Variants in KIAA1217 observed in about 807,000 individuals in gnomAD.
KIAA1217 encodes the protein sickle tail protein homolog.
A neutral mutation model predicts 163.9 loss-of-function variants in KIAA1217; 88 were observed. The observed-to-expected ratio is 0.54, with a 90% CI of 0.45 to 0.64. The LOEUF (loss-of-function observed/expected upper bound fraction) is 0.64, where lower values mean the gene tolerates loss of function less well. Among genes scored for constraint, KIAA1217 ranks in the 30% least tolerant of loss-of-function variants. KIAA1217 has a pLI of 0.00. For synonymous variants in KIAA1217, 903 were observed against 923.1 expected, an observed-to-expected ratio of 0.98 and a Z score of 0.39; for missense variants, 2,372 against 2,475.0, an observed-to-expected ratio of 0.96 and a Z score of 0.88.
intron 3 of KIAA1217, among the ~76,000 whole-genome samples, chr10:24,432,175 G>A (rs2059656114): frequency 6.9e-6 from 1 of 144,902 alleles, no homozygotes; most frequent in Non-Finnish European, 1.5e-5. Context: ...CCAGGCTGGA[G>A]TGCAGTGGCG....
intron 1 of KIAA1217, among the ~76,000 whole-genome samples, chr10:23,956,841 A>G (rs1372942286): frequency 6.6e-6 from 1 of 152,158 alleles, no homozygotes; most frequent in African/African-American, 2.4e-5. Flanking sequence ...GAACTTACTC[A>G]TTACGAGGAC....
In KIAA1217 at chr10:24,543,748, T is replaced by A. The variant is rs754912463; in HGVS notation, c.4478T>A (p.Val1493Asp). Residue 1493 changes from valine (V) to aspartate (D), a missense_variant, in exon 19 of 21, where the codon GTC becomes GAC. By Grantham distance (152) the Val-to-Asp change is radical (BLOSUM62 -3). Around this residue, in one of 3 missense-constraint regions of KIAA1217, gnomAD observed 690 missense variants for 677.5 expected, o/e 1.02. Coordinates refer to ENST00000376454, the MANE Select transcript of KIAA1217 (RefSeq NM_019590.5). ...EEEEENGDSV[V>D]QNNNTSQMSH... ...GAGGAGGAAAATGGGGATTCTGTAG[T>A]CCAGAATAATAACACTTCCCAGATG... is the stretch of plus-strand genomic sequence containing the variant. 1 of 1,613,204 alleles carries A rather than the reference T, an allele frequency of 6.2e-7. No homozygotes were observed. The highest frequency in any genetic ancestry group is 8.5e-7 in the Non-Finnish European group (1 of 1,179,628).
Position 24,010,177 on chromosome 10 carries a change from C to T in KIAA1217, c.-171+2803C>T, listed in dbSNP as rs1467047372. ...TTTCAGAAAACCTGGACTGTATGAA[C>T]GCTTTTTAAAAAAAATGACAGGGTA... On this transcript the variant is annotated intron_variant, in intron 2 of 18. Coordinates refer to the KIAA1217 transcript ENST00000376462. 2.6e-5 allele frequency among the ~76,000 whole-genome samples: 4 copies of T among 151,704 alleles called. No individual in the cohort carries two copies. The South Asian group carries it at 6.2e-4, about 24-fold the overall frequency.
chr10:24,431,518 C>T (rs1056329025), intron 3 of KIAA1217, among the ~76,000 whole-genome samples: 3 of 152,132 alleles, frequency 2.0e-5, no homozygotes, highest in Non-Finnish European at 2.9e-5. Context: ...CCCAAGACGG[C>T]TCATCCACAT....
At position 23,791,610 on chromosome 10, in the gene KIAA1217, C is replaced by T. The variant is rs75498375; in HGVS notation, c.-321+96376C>T. On this transcript the variant is annotated intron_variant, in intron 1 of 18. Transcript: ENST00000376462. ...TAGCATTGCTTTATAGTTTAAGTAC[C>T]GCTTTTGTGTAAAAGAAAATGAAAG... Among the ~76,000 whole-genome samples the T allele has an allele frequency of 7.3e-3, 1,113 of 152,096 alleles. 11 individuals carry two copies. The highest frequency in any genetic ancestry group is 0.017 in the African/African-American group (693 of 41,508).
rs1220270498 is a variant in KIAA1217 at position 24,543,502 on chromosome 10, T to C, written c.4232T>C (p.Ile1411Thr). The C allele has an allele frequency of 7.4e-6, 12 of 1,614,002 alleles. No individual in the cohort carries two copies. Among genetic ancestry groups the C allele is most frequent in the Non-Finnish European group, 7.6e-6 (9 of 1,179,992 alleles). ...ATTGTTAGCCAAAAGGGAGAAGACA[T>C]ACAGACGGTTAATATCGATGCCAGA... ...HDIVSQKGEDIQTVNIDARKE... is the reference protein window; with the variant it reads ...HDIVSQKGEDTQTVNIDARKE... The change falls in exon 19 of 21, where the codon ATA (isoleucine) becomes ACA (threonine). Residue 1411 changes from isoleucine (I) to threonine (T), a missense_variant. Ile to Thr is a moderately conservative substitution (Grantham distance 89). Around this residue, in one of 3 missense-constraint regions of KIAA1217, gnomAD observed 690 missense variants for 677.5 expected, o/e 1.02. Coordinates refer to ENST00000376454, the MANE Select transcript of KIAA1217 (RefSeq NM_019590.5).
At chr10:24,416,814 A>G (rs1030331904) in intron 3 of KIAA1217, among the ~76,000 whole-genome samples, 3 of 151,928 alleles carry the variant, frequency 2.0e-5, no homozygotes, top group African/African-American at 7.3e-5. Flanking sequence ...CCTCAACTAC[A>G]CGGGCAGGTT....
At chr10:24,132,059 C>T (rs912842402) in intron 2 of KIAA1217, among the ~76,000 whole-genome samples, 1 of 152,208 alleles carries the variant, frequency 6.6e-6, no homozygotes, top group Admixed American at 6.5e-5. Context: ...CTACTTATAA[C>T]ATATGGCTTT....
intron 2 of KIAA1217, among the ~76,000 whole-genome samples, chr10:24,182,888 A>G (rs2066248142): frequency 6.6e-6 from 1 of 152,224 alleles, no homozygotes; most frequent in Admixed American, 6.5e-5. Flanking sequence ...CTATGGTTTC[A>G]ACATGATTTG....
At chr10:24,000,918 T>C (rs563913659) in intron 1 of KIAA1217, among the ~76,000 whole-genome samples, 2 of 152,344 alleles carry the variant, frequency 1.3e-5, no homozygotes, top group East Asian at 3.9e-4. Context: ...AAATTGGTTA[T>C]GTGGGGGAAA....
chr10:24,073,278 C>G (rs2061253368), intron 2 of KIAA1217, among the ~76,000 whole-genome samples: 1 of 151,894 alleles, frequency 6.6e-6, no homozygotes. Context: ...GAGAAGGGGT[C>G]TAGATTTCCT....
intron 2 of KIAA1217, among the ~76,000 whole-genome samples, chr10:24,039,481 A>G (rs749005019): frequency 7.2e-5 from 11 of 152,120 alleles, no homozygotes; most frequent in Non-Finnish European, 1.0e-4. Flanking sequence ...CTTGTCAGCC[A>G]CACAATTGAG....
chr10:24,190,524 T>C (rs1278079052), intron 2 of KIAA1217, among the ~76,000 whole-genome samples: 1 of 152,158 alleles, frequency 6.6e-6, no homozygotes, highest in Non-Finnish European at 1.5e-5. Flanking sequence ...CCGTGGGCTT[T>C]AGAAGTTAGG....
intron 2 of KIAA1217, among the ~76,000 whole-genome samples, chr10:24,281,347 A>C (rs766471782): frequency 2.0e-5 from 3 of 152,168 alleles, no homozygotes; most frequent in Non-Finnish European, 2.9e-5. Context: ...AGAATTGTTA[A>C]CCCATGCCCT....
intron 2 of KIAA1217, among the ~76,000 whole-genome samples, chr10:24,271,174 G>T (rs148732438): frequency 1.2e-4 from 19 of 152,030 alleles, no homozygotes; most frequent in Non-Finnish European, 8.8e-5. Context: ...ATTTTTCTAA[G>T]TGCCATTCAA....
At chr10:23,936,972 G>T (rs554286003) in intron 1 of KIAA1217, among the ~76,000 whole-genome samples, 1 of 151,926 alleles carries the variant, frequency 6.6e-6, no homozygotes, top group African/African-American at 2.4e-5. Context: ...TCCACCTCCC[G>T]GGTTCAAGTG....
chr10:23,890,235 T>C (rs1841362209), intron 1 of KIAA1217, among the ~76,000 whole-genome samples: 1 of 151,736 alleles, frequency 6.6e-6, no homozygotes, highest in Admixed American at 6.6e-5. Context: ...CATTTATCTC[T>C]GATCTTTGTT....
intron 2 of KIAA1217, among the ~76,000 whole-genome samples, chr10:24,290,109 C>T (rs1371812802): frequency 6.6e-6 from 1 of 152,058 alleles, no homozygotes; most frequent in African/African-American, 2.4e-5. Context: ...GCCGAAAAAC[C>T]TGGAGACCAA....
At chr10:23,785,568 A>G (rs1835457753) in intron 1 of KIAA1217, among the ~76,000 whole-genome samples, 1 of 152,170 alleles carries the variant, frequency 6.6e-6, no homozygotes, top group Non-Finnish European at 1.5e-5. Context: ...ACATGCACAC[A>G]TACATACCTA....
Sources: allele counts gnomAD v4.1 joint callset (sites outside exome capture counted in the v4.1 genomes callset), GRCh38; gene constraint gnomAD v4.1.1; regional missense constraint gnomAD v4.1.1; transcripts MANE v1.5; gene names NCBI Gene and HGNC (gene_info 2026-07-23, HGNC 2026-07-21).